The following CPE variants were observed in gnomAD, a reference collection of about 807,000 sequenced individuals.
The protein encoded by CPE is carboxypeptidase E.
CPE carries 17 observed loss-of-function variants against 53.5 expected under a neutral mutation model. That is an observed-to-expected ratio of 0.32 (90% confidence interval 0.22 to 0.48). The LOEUF (loss-of-function observed/expected upper bound fraction) is 0.48, where lower values mean the gene tolerates loss of function less well. CPE is among the 20% of genes least tolerant of loss of function. CPE has a pLI of 0.99. For synonymous variants in CPE, 226 were observed against 228.8 expected, an observed-to-expected ratio of 0.99 and a Z score of 0.11; for missense variants, 524 against 614.7, an observed-to-expected ratio of 0.85 and a Z score of 1.56.
At chr4:165,490,784 C>T (rs188302234) in intron 6 of CPE, among the ~76,000 whole-genome samples, 25 of 152,238 alleles carry the variant, frequency 1.6e-4, no homozygotes, top group African/African-American at 5.3e-4. Flanking sequence ...AAGCTATCTG[C>T]GTGACACTAA....
At position 165,379,536 on chromosome 4, in the gene CPE, C is replaced by T. The variant is rs1339872132; in HGVS notation, c.307+8C>T. Reference sequence around the variant, plus strand: ...CTGGCGTCCATGAGCCTGGTAAGGGCGCTGCCCCCTGACAGCCCTGGGGGC... The same window carrying T: ...CTGGCGTCCATGAGCCTGGTAAGGGTGCTGCCCCCTGACAGCCCTGGGGGC... On this transcript the variant is annotated splice_region_variant and intron_variant, in intron 1 of 8. Transcript: ENST00000402744. The surrounding 1 kb of genome is among the most constrained non-coding windows in gnomAD (Gnocchi z 6.0). 2.8e-6 allele frequency: 4 copies of T among 1,434,878 alleles called. No homozygotes were observed. The highest frequency in any genetic ancestry group is 1.9e-5 in the Admixed American group (1 of 52,462). 88.9% of individuals were successfully genotyped at this position (1,434,878 alleles called of 1,614,324 possible).
intron 1 of CPE, among the ~76,000 whole-genome samples, chr4:165,436,579 C>T (rs1157352098): frequency 6.6e-6 from 1 of 152,172 alleles, no homozygotes; most frequent in Non-Finnish European, 1.5e-5. Flanking sequence ...AAACAGGTGG[C>T]CAGCCCATAC....
intron 3 of CPE, among the ~76,000 whole-genome samples, chr4:165,477,516 A>G (rs1230209779): frequency 9.9e-5 from 15 of 152,106 alleles, no homozygotes; most frequent in Admixed American, 7.9e-4. Context: ...CAGTGTTTTG[A>G]CCCAGCTTGG....
intron 1 of CPE, among the ~76,000 whole-genome samples, chr4:165,388,942 T>G (rs1730639627): frequency 1.3e-5 from 2 of 152,116 alleles, no homozygotes; most frequent in African/African-American, 2.4e-5. Context: ...TTAAGCCAGA[T>G]TTTCAACATA....
intron 1 of CPE, among the ~76,000 whole-genome samples, chr4:165,461,007 C>T (rs1190737142): frequency 6.7e-6 from 1 of 150,146 alleles, no homozygotes; most frequent in African/African-American, 2.4e-5. Flanking sequence ...AACCTCATCT[C>T]TACAAAAAAA....
chr4:165,465,457 T>G (rs1732080078), intron 2 of CPE, among the ~76,000 whole-genome samples: 1 of 152,024 alleles, frequency 6.6e-6, no homozygotes, highest in Admixed American at 6.6e-5. Flanking sequence ...ATATTCAGAA[T>G]TTTTAGACAC....
At chr4:165,472,201 G>A (rs114358937) in intron 3 of CPE, among the ~76,000 whole-genome samples, 22,072 of 152,058 alleles carry the variant, frequency 0.15, 1,925 homozygotes, top group East Asian at 0.23. Flanking sequence ...GTTCTGCCTG[G>A]TATTTGTGAA....
At chr4:165,388,950 A>G (rs1730639712) in intron 1 of CPE, among the ~76,000 whole-genome samples, 1 of 152,202 alleles carries the variant, frequency 6.6e-6, no homozygotes, top group Admixed American at 6.5e-5. Flanking sequence ...GATTTTCAAC[A>G]TAACCAGCAT....
chr4:165,488,854 A>G (rs1560897248), intron 6 of CPE, among the ~76,000 whole-genome samples: 1 of 152,106 alleles, frequency 6.6e-6, no homozygotes, highest in Non-Finnish European at 1.5e-5. Context: ...TGCTCTAAAA[A>G]AAAAAAGAAG....
intron 5 of CPE, 79 bp downstream of exon 5, chr4:165,484,683 A>T (rs531274589): frequency 7.7e-7 from 1 of 1,293,614 alleles, no homozygotes; most frequent in African/African-American, 1.5e-5. Flanking sequence ...AGTGATTTAG[A>T]TTTAGAGAAT....
chr4:165,452,167 T>G (rs566980703), intron 1 of CPE, among the ~76,000 whole-genome samples: 1 of 152,146 alleles, frequency 6.6e-6, no homozygotes, highest in South Asian at 2.1e-4. Flanking sequence ...AAGGTGAGAA[T>G]GAGGAGAAGT....
intron 1 of CPE, chr4:165,404,389 TAAA>T: frequency 1.3e-6 from 1 of 766,586 alleles, no homozygotes; most frequent in Non-Finnish European, 2.4e-6. Flanking sequence ...TCAGACTTGC[TAAA>T]ATACCGTTCA....
chr4:165,488,486 G>A (rs114546808), intron 6 of CPE, among the ~76,000 whole-genome samples: 1,614 of 152,188 alleles, frequency 0.011, 19 homozygotes, highest in Admixed American at 0.034. Context: ...GTAGACACTG[G>A]CCCCAGAGGC....
At chr4:165,464,318 T>C in intron 1 of CPE, 72 bp from the exon 2 acceptor site, 1 of 1,207,588 alleles carries the variant, frequency 8.3e-7, no homozygotes, top group Non-Finnish European at 1.1e-6. Flanking sequence ...TCATAATACA[T>C]TTGTAGGTAT....
intron 3 of CPE, among the ~76,000 whole-genome samples, chr4:165,469,703 C>A (rs1002468253): frequency 1.3e-5 from 2 of 152,104 alleles, no homozygotes; most frequent in African/African-American, 2.4e-5. Context: ...ACCTGTTTTC[C>A]CCTTTGATTC....
intron 1 of CPE, chr4:165,415,377 T>C (rs4690816): frequency 0.29 from 48,033 of 163,658 alleles, 8,962 homozygotes; most frequent in African/African-American, 0.55. Flanking sequence ...TCCTTTATCA[T>C]TTGGATTAAA....
chr4:165,422,743 C>T (rs143717311), intron 1 of CPE, among the ~76,000 whole-genome samples: 5 of 152,004 alleles, frequency 3.3e-5, no homozygotes, highest in African/African-American at 1.2e-4. Flanking sequence ...TTTGGGAGGC[C>T]GAGGCGGGTG....
At chr4:165,489,046 T>C (rs17046532) in intron 6 of CPE, among the ~76,000 whole-genome samples, 3,766 of 152,232 alleles carry the variant, frequency 0.025, 149 homozygotes, top group African/African-American at 0.081. Context: ...CTTAAAAAGG[T>C]ATTTTCCAAC....
At chr4:165,458,016 T>A (rs1205629132) in intron 1 of CPE, among the ~76,000 whole-genome samples, 1 of 152,172 alleles carries the variant, frequency 6.6e-6, no homozygotes, top group African/African-American at 2.4e-5. Flanking sequence ...AGGAAACTTG[T>A]AGGGTTCAGT....
Sources: allele counts gnomAD v4.1 joint callset (sites outside exome capture counted in the v4.1 genomes callset), GRCh38; gene constraint gnomAD v4.1.1; non-coding constraint Gnocchi (gnomAD v3.1); transcripts MANE v1.5; gene names NCBI Gene and HGNC (gene_info 2026-07-23, HGNC 2026-07-21).